The following MAP3K4 variants were observed in gnomAD, a reference collection of about 807,000 sequenced individuals.
MAP3K4 encodes mitogen-activated protein kinase kinase kinase 4, also known as MAP three kinase 1.
In MAP3K4, 67 loss-of-function variants were observed where a neutral mutation model predicts 185.6. The observed-to-expected ratio is 0.36, with a 90% confidence interval of 0.30 to 0.44. The LOEUF is 0.44. MAP3K4 is among the 20% of genes least tolerant of loss of function. The pLI, the probability that MAP3K4 is intolerant of heterozygous loss-of-function variation, is 1.00. For missense variants in MAP3K4, 1,551 were observed against 1,995.1 expected (o/e 0.78, Z 4.24); for synonymous variants, 702 against 710.4 (o/e 0.99, Z 0.19).
At chr6:160,999,968 G>A (rs1392081953) in intron 1 of MAP3K4, among the ~76,000 whole-genome samples, 1 of 152,154 alleles carries the variant, frequency 6.6e-6, no homozygotes, top group East Asian at 1.9e-4. Context: ...AAGAGCCAAT[G>A]CTCAGAAATT....
In MAP3K4 at chr6:161,096,423, A is replaced by G. The variant is rs1482355263; in HGVS notation, c.3428-657A>G. The stretch of plus-strand genomic sequence containing the variant: ...AGTAGGCAAAATATGACGCATGTCC[A>G]CTAATACTGACATCTAGTTATTGGG... On this transcript the variant is annotated intron_variant, in intron 15 of 26. Transcript: ENST00000392142. The surrounding 1 kb of genome is among the most constrained non-coding windows in gnomAD (Gnocchi z 4.9). 6.6e-6 allele frequency among the ~76,000 whole-genome samples: 1 copy of G among 152,246 alleles called. No individual in the cohort carries two copies. Among genetic ancestry groups the G allele is most frequent in the African/African-American group, 2.4e-5 (1 of 41,464 alleles).
rs1180862086 is a variant in MAP3K4 at position 161,022,551 on chromosome 6, G to T, written c.153-11708G>T. Among the ~76,000 whole-genome samples, 1 of 152,178 alleles carries T rather than the reference G, an allele frequency of 6.6e-6. No individual in the cohort carries two copies. Among genetic ancestry groups the T allele is most frequent in the Non-Finnish European group, 1.5e-5 (1 of 68,038 alleles). On this transcript the variant is annotated intron_variant, in intron 1 of 26. Transcript: ENST00000392142. This position sits in a 1 kb window ranked among gnomAD's most constrained non-coding sequence, Gnocchi z 4.2. ...GCTATGCTCTCTCTCCACCTGGAGG[G>T]ACTTTGTCCCACAGGAGAAGTGATC... is the stretch of plus-strand genomic sequence containing the variant.
At position 161,073,651 on chromosome 6, in the gene MAP3K4, G is replaced by A. The variant is rs148884354; in HGVS notation, c.2097+39G>A. ...GGGAGGAATTTTTCTTTCTTTCTTTGTTTCTTTTTTTAAAAAAGTAAGCCT... is the reference window on the plus strand; with the variant it reads ...GGGAGGAATTTTTCTTTCTTTCTTTATTTCTTTTTTTAAAAAAGTAAGCCT... On this transcript the variant is annotated intron_variant, in intron 5 of 26. Transcript: ENST00000392142. The surrounding 1 kb of genome is among the most constrained non-coding windows in gnomAD (Gnocchi z 4.2). 9,231 of 1,583,824 alleles carry A rather than the reference G, an allele frequency of 5.8e-3. 40 individuals are homozygous for A. The highest frequency in any genetic ancestry group is 6.3e-3 in the South Asian group (553 of 87,124).
rs1279277848 is a variant in MAP3K4 at position 161,057,242 on chromosome 6, G to GT, written c.1707+7266dup. ...CACAGGAAACACTGAAGAGGTTGCC[G>GT]TTTATATTCAAAGCAGACAAAGCAT... On this transcript the variant is annotated intron_variant, in intron 3 of 26. Coordinates refer to ENST00000392142, the MANE Select transcript of MAP3K4 (RefSeq NM_005922.4). Among the ~76,000 whole-genome samples the GT allele has an allele frequency of 7.2e-5, 11 of 152,224 alleles. No individual in the cohort carries two copies. In the East Asian group the frequency reaches 2.1e-3, roughly 29 times the overall value.
In MAP3K4 at chr6:161,017,790, C is replaced by T. The variant is rs1359793865; in HGVS notation, c.153-16469C>T. Reference sequence around the variant, plus strand: ...GATCCTATTATATAATACTTAGCTACATCATGTAATCAGTCACTTTGAAGG... The same window carrying T: ...GATCCTATTATATAATACTTAGCTATATCATGTAATCAGTCACTTTGAAGG... On this transcript the variant is annotated intron_variant, in intron 1 of 26. Coordinates refer to ENST00000392142, the MANE Select transcript of MAP3K4 (RefSeq NM_005922.4). This position sits in a 1 kb window ranked among gnomAD's most constrained non-coding sequence, Gnocchi z 5.1. 6.6e-6 allele frequency among the ~76,000 whole-genome samples: 1 copy of T among 152,182 alleles called. No homozygotes were observed. The highest frequency in any genetic ancestry group is 6.5e-5 in the Admixed American group (1 of 15,284).
intron 17 of MAP3K4, among the ~76,000 whole-genome samples, chr6:161,099,709 T>C (rs924962023): frequency 3.3e-5 from 5 of 152,334 alleles, no homozygotes; most frequent in Non-Finnish European, 7.4e-5. Context: ...GCTGTGTCCA[T>C]GTTCACATGA....
rs1785047594 is a variant in MAP3K4 at position 161,073,651 on chromosome 6, GTTTC to G, written c.2097+43_2097+46del. 6.3e-7 allele frequency: 1 copy of G among 1,583,704 alleles called. No homozygotes were observed. The highest frequency in any genetic ancestry group is 8.6e-7 in the Non-Finnish European group (1 of 1,165,654). On this transcript the variant is annotated intron_variant, in intron 5 of 26. Transcript: ENST00000392142. This position sits in a 1 kb window ranked among gnomAD's most constrained non-coding sequence, Gnocchi z 4.2. ...GGGAGGAATTTTTCTTTCTTTCTTT[GTTTC>G]TTTTTTTAAAAAAGTAAGCCTGTAT...
rs910910719 is a variant in MAP3K4, at chr6:161,051,150, A to G, written c.1707+1171A>G. 2.6e-5 allele frequency among the ~76,000 whole-genome samples: 4 copies of G among 152,230 alleles called. No individual in the cohort carries two copies. Among genetic ancestry groups the G allele is most frequent in the African/African-American group, 9.6e-5 (4 of 41,464 alleles). On this transcript the variant is annotated intron_variant, in intron 3 of 26. Coordinates refer to ENST00000392142, the MANE Select transcript of MAP3K4 (RefSeq NM_005922.4). This position sits in a 1 kb window ranked among gnomAD's most constrained non-coding sequence, Gnocchi z 4.2. ...AATACAGATGTAGTTTTTCTTCCCA[A>G]ATATTTCTGATCTGCAGTTGGTTGA...
intron 6 of MAP3K4, among the ~76,000 whole-genome samples, chr6:161,083,763 A>G (rs1037340723): frequency 6.6e-6 from 1 of 152,090 alleles, no homozygotes; most frequent in Non-Finnish European, 1.5e-5. Flanking sequence ...AAAATTCTGC[A>G]TTTGCCTGCA....
At chr6:160,998,631 T>C (rs1474226890) in intron 1 of MAP3K4, among the ~76,000 whole-genome samples, 1 of 152,106 alleles carries the variant, frequency 6.6e-6, no homozygotes, top group Admixed American at 6.5e-5. Flanking sequence ...GGTAATAGAG[T>C]ATGTAGATTA....
At chr6:161,105,175 G>A (rs1244729952) in intron 19 of MAP3K4, among the ~76,000 whole-genome samples, 2 of 152,112 alleles carry the variant, frequency 1.3e-5, no homozygotes, top group African/African-American at 4.8e-5. Flanking sequence ...ATGTAGTAAG[G>A]GTAATAGCTC....
Position 161,093,468 on chromosome 6 carries a change from T to C in MAP3K4, c.3349-305T>C, listed in dbSNP as rs1209113925. Among the ~76,000 whole-genome samples, 1 of 152,230 alleles carries C rather than the reference T, an allele frequency of 6.6e-6. No homozygotes were observed. The highest frequency in any genetic ancestry group is 1.5e-5 in the Non-Finnish European group (1 of 68,040). On this transcript the variant is annotated intron_variant, in intron 14 of 26. Coordinates refer to ENST00000392142, the MANE Select transcript of MAP3K4 (RefSeq NM_005922.4). The surrounding 1 kb of genome is among the most constrained non-coding windows in gnomAD (Gnocchi z 5.2). Reference sequence around the variant, plus strand: ...CAGATTAGCATGATATTGCTCAAAGTGTGAATTCATTTATTTTATTCTCCC... The same window carrying C: ...CAGATTAGCATGATATTGCTCAAAGCGTGAATTCATTTATTTTATTCTCCC...
At chr6:161,038,091 C>T (rs1286732068) in intron 2 of MAP3K4, among the ~76,000 whole-genome samples, 1 of 151,512 alleles carries the variant, frequency 6.6e-6, no homozygotes, top group Non-Finnish European at 1.5e-5. Context: ...TCCTTTTTTC[C>T]TTTCCTCCCT....
In MAP3K4 at chr6:161,073,392, A is replaced by T. The variant is rs1437414765; in HGVS notation, c.1951-74A>T. 84 of 1,405,212 alleles carry T rather than the reference A, an allele frequency of 6.0e-5. No individual in the cohort carries two copies. The highest frequency in any genetic ancestry group is 4.7e-6 in the Non-Finnish European group (5 of 1,059,748). The allele number at this position is 1,405,212 out of a possible 1,614,324, so 87.0% of individuals were successfully genotyped here. A position where few individuals can be genotyped will look rare whatever the true frequency, so the allele number is the denominator to read the frequency against. On this transcript the variant is annotated intron_variant, in intron 4 of 26. Transcript: ENST00000392142. The surrounding 1 kb of genome is among the most constrained non-coding windows in gnomAD (Gnocchi z 4.2). The stretch of plus-strand genomic sequence containing the variant: ...TCCCTCTGAGTTTTTTGAAGATTTA[A>T]GTAGGAAGATATAAAACACGGATCG...
intron 1 of MAP3K4, among the ~76,000 whole-genome samples, chr6:161,029,609 A>G (rs764419122): frequency 6.6e-6 from 1 of 152,206 alleles, no homozygotes; most frequent in African/African-American, 2.4e-5. Flanking sequence ...ATGTTATTAA[A>G]CACAAGTAAG....
intron 1 of MAP3K4, among the ~76,000 whole-genome samples, chr6:161,033,745 C>A (rs900210520): frequency 6.6e-6 from 1 of 152,130 alleles, no homozygotes. Context: ...TCGTGCTTTG[C>A]TGTGTGGATC....
intron 2 of MAP3K4, among the ~76,000 whole-genome samples, chr6:161,040,605 C>T (rs1221015853): frequency 6.6e-6 from 1 of 152,156 alleles, no homozygotes; most frequent in African/African-American, 2.4e-5. Flanking sequence ...ATAACATTTA[C>T]CATGAATTTA....
intron 1 of MAP3K4, among the ~76,000 whole-genome samples, chr6:160,997,611 G>GA (rs147538637): frequency 0.019 from 2,869 of 152,272 alleles, 34 homozygotes; most frequent in Non-Finnish European, 0.03. Context: ...AACAGACTAT[G>GA]AAACAGAATT....
chr6:161,026,357 G>A lies in MAP3K4; in HGVS notation c.153-7902G>A, dbSNP rs1027033621. ...TCACCATGTTAGCCAGGATGGTCTTGATCTTCTGACCTCGTGATCTGCCCT... is the reference window on the plus strand; with the variant it reads ...TCACCATGTTAGCCAGGATGGTCTTAATCTTCTGACCTCGTGATCTGCCCT... On this transcript the variant is annotated intron_variant, in intron 1 of 26. Coordinates refer to ENST00000392142, the MANE Select transcript of MAP3K4 (RefSeq NM_005922.4). Among the ~76,000 whole-genome samples, 5 of 151,862 alleles carry A rather than the reference G, an allele frequency of 3.3e-5. No individual in the cohort carries two copies. In the East Asian group the frequency reaches 7.8e-4, roughly 24 times the overall value.
Sources: gnomAD v4.1 joint callset for allele counts (sites outside exome capture counted in the v4.1 genomes callset) on GRCh38, gnomAD v4.1.1 for gene constraint, Gnocchi (gnomAD v3.1) non-coding constraint, MANE v1.5 for transcripts, NCBI Gene and HGNC (gene_info 2026-07-23, HGNC 2026-07-21) for gene names.